The following UNC5D variants were observed in gnomAD, a reference collection of about 807,000 sequenced individuals.
UNC5D encodes the protein netrin receptor UNC5D.
In UNC5D, 39 loss-of-function variants were observed where a neutral mutation model predicts 105.4. That is an observed-to-expected ratio of 0.37 (90% CI 0.29 to 0.48). The LOEUF (loss-of-function observed/expected upper bound fraction) is 0.48, where lower values mean the gene tolerates loss of function less well. Among genes scored for constraint, UNC5D ranks in the 20% least tolerant of loss-of-function variants. UNC5D has a pLI of 0.98. For synonymous variants in UNC5D, 452 were observed against 450.4 expected, an observed-to-expected ratio of 1.00 and a Z score of -0.04; for missense variants, 991 against 1,202.4, an observed-to-expected ratio of 0.82 and a Z score of 2.60.
rs116983740 is a variant in UNC5D, at chr8:35,423,115, C to T, written c.104-126177C>T. ...AGAAGCAGCTGCAATGCAACTTAAC[C>T]TGTGGTTTAGTGGTCAATTTTATGA... On this transcript the variant is annotated intron_variant, in intron 1 of 16. Transcript: ENST00000404895. 4.6e-5 allele frequency among the ~76,000 whole-genome samples: 7 copies of T among 152,288 alleles called. No individual in the cohort carries two copies. In the East Asian group the frequency reaches 1.4e-3, roughly 29 times the overall value.
At chr8:35,579,849 C>G (rs965134657) in intron 3 of UNC5D, among the ~76,000 whole-genome samples, 1 of 152,304 alleles carries the variant, frequency 6.6e-6, no homozygotes, top group Non-Finnish European at 1.5e-5. Context: ...ACTCTCAACC[C>G]TCCCATTCAC....
At chr8:35,632,227 A>C (rs185741464) in intron 4 of UNC5D, among the ~76,000 whole-genome samples, 1 of 152,318 alleles carries the variant, frequency 6.6e-6, no homozygotes, top group African/African-American at 2.4e-5. Context: ...TTGGAGTGAA[A>C]TTTGGGCATC....
At chr8:35,608,839 A>G (rs1286317006) in intron 4 of UNC5D, among the ~76,000 whole-genome samples, 8 of 151,896 alleles carry the variant, frequency 5.3e-5, no homozygotes, top group Admixed American at 3.9e-4. Flanking sequence ...GATTTGTTTC[A>G]TATGTTTGCT....
intron 4 of UNC5D, among the ~76,000 whole-genome samples, chr8:35,662,657 G>T (rs984207797): frequency 1.3e-5 from 2 of 152,178 alleles, no homozygotes; most frequent in South Asian, 4.1e-4. Context: ...AGCAAATCTG[G>T]GCTAAAAATG....
intron 4 of UNC5D, among the ~76,000 whole-genome samples, chr8:35,636,824 C>T (rs888607332): frequency 4.6e-5 from 7 of 152,164 alleles, no homozygotes; most frequent in African/African-American, 1.7e-4. Context: ...ATACAAGTAA[C>T]CCCAGTAACA....
intron 1 of UNC5D, among the ~76,000 whole-genome samples, chr8:35,292,638 G>A (rs1807154736): frequency 6.6e-6 from 1 of 151,600 alleles, no homozygotes; most frequent in South Asian, 2.1e-4. Context: ...TTGATAGAAA[G>A]CCTTAACAAT....
intron 1 of UNC5D, among the ~76,000 whole-genome samples, chr8:35,508,361 TTTTAAATTATCCTCA>T (rs1812469523): frequency 1.3e-5 from 2 of 152,214 alleles, no homozygotes; most frequent in Non-Finnish European, 2.9e-5. Flanking sequence ...TATTTTAATG[TTTTAAATTATCCTCA>T]TCTGCTGAGG....
intron 3 of UNC5D, 122 bp from the exon 4 acceptor site, chr8:35,595,432 G>A: frequency 1.3e-6 from 1 of 748,248 alleles, no homozygotes; most frequent in East Asian, 2.5e-5. Context: ...TGGAACAAGT[G>A]ACTTATTTTT....
At chr8:35,675,104 T>A (rs1825121377) in intron 4 of UNC5D, among the ~76,000 whole-genome samples, 1 of 152,186 alleles carries the variant, frequency 6.6e-6, no homozygotes. Flanking sequence ...ATATGTGAAA[T>A]TCAGTATGAA....
chr8:35,675,864 A>G (rs1219625401), intron 4 of UNC5D, among the ~76,000 whole-genome samples: 1 of 151,908 alleles, frequency 6.6e-6, no homozygotes, highest in Non-Finnish European at 1.5e-5. Flanking sequence ...AAATTCTCAC[A>G]TATTGTCTGG....
At chr8:35,619,253 A>G (rs1227676083) in intron 4 of UNC5D, among the ~76,000 whole-genome samples, 2 of 152,200 alleles carry the variant, frequency 1.3e-5, no homozygotes, top group Admixed American at 1.3e-4. Flanking sequence ...GCAGAATATA[A>G]TTCCCATATA....
At chr8:35,710,931 A>ATTTTTTT (rs1827896059) in intron 8 of UNC5D, among the ~76,000 whole-genome samples, 2 of 122,026 alleles carry the variant, frequency 1.6e-5, no homozygotes, top group African/African-American at 4.2e-5. Flanking sequence ...GCTCAGCATT[A>ATTTTTTT]TTCTTTTTTT....
chr8:35,601,405 CATG>C (rs1218621251), intron 4 of UNC5D, among the ~76,000 whole-genome samples: 3 of 152,186 alleles, frequency 2.0e-5, no homozygotes, highest in African/African-American at 7.2e-5. Context: ...TGGCCATTTT[CATG>C]ATATTGATTC....
chr8:35,647,235 TA>T (rs1398444534), intron 4 of UNC5D, among the ~76,000 whole-genome samples: 1 of 152,198 alleles, frequency 6.6e-6, no homozygotes, highest in Non-Finnish European at 1.5e-5. Flanking sequence ...CCATTACTTT[TA>T]CACATAGAGC....
intron 10 of UNC5D, among the ~76,000 whole-genome samples, chr8:35,730,776 A>T (rs115370052): frequency 0.082 from 12,257 of 149,712 alleles, 1,392 homozygotes; most frequent in African/African-American, 0.26. Context: ...ACTTAAAATA[A>T]AAAAAAAAAA....
chr8:35,384,933 G>A (rs938916585), intron 1 of UNC5D, among the ~76,000 whole-genome samples: 2 of 152,174 alleles, frequency 1.3e-5, no homozygotes, highest in Non-Finnish European at 2.9e-5. Flanking sequence ...CAGTTACATG[G>A]GAGCTCTCTG....
intron 4 of UNC5D, among the ~76,000 whole-genome samples, chr8:35,610,101 C>T (rs780139266): frequency 6.6e-6 from 1 of 151,360 alleles, no homozygotes; most frequent in Non-Finnish European, 1.5e-5. Flanking sequence ...GGTGGTTTAT[C>T]TTCTGTTATC....
At chr8:35,699,539 TTCCACTAA>T (rs1202769349) in intron 7 of UNC5D, among the ~76,000 whole-genome samples, 12 of 152,332 alleles carry the variant, frequency 7.9e-5, no homozygotes, top group African/African-American at 2.9e-4. Flanking sequence ...AGCCCTGGAA[TTCCACTAA>T]TCCTCAGATT....
chr8:35,428,844 C>T (rs1218895150), intron 1 of UNC5D, among the ~76,000 whole-genome samples: 1 of 151,976 alleles, frequency 6.6e-6, no homozygotes, highest in Non-Finnish European at 1.5e-5. Flanking sequence ...GAGTGACTAC[C>T]TTCCTGACCA....
Sources: allele counts gnomAD v4.1 joint callset (sites outside exome capture counted in the v4.1 genomes callset), GRCh38; gene constraint gnomAD v4.1.1; transcripts MANE v1.5; gene names NCBI Gene and HGNC (gene_info 2026-07-23, HGNC 2026-07-21).